Variants in CWC27 observed in about 807,000 individuals in gnomAD.
The protein encoded by CWC27 is CWC27 spliceosome associated cyclophilin, also known as spliceosome-associated protein CWC27 homolog.
Under a neutral mutation model 63.6 loss-of-function variants are expected in CWC27, and 47 were observed. The observed-to-expected ratio is 0.74, with a 90% CI of 0.58 to 0.94. The LOEUF is 0.94. Among genes scored for constraint, CWC27 ranks in the 40% least tolerant of loss-of-function variants. The probability of loss-of-function intolerance (pLI) is 0.00; values close to 1 mark genes in which losing one functional copy is unlikely to be tolerated. For missense variants in CWC27, 495 were observed against 554.3 expected (o/e 0.89, Z 1.07); for synonymous variants, 175 against 179.8 (o/e 0.97, Z 0.22).
At chr5:64,784,892 G>A (rs920174506) in intron 4 of CWC27, among the ~76,000 whole-genome samples, 1 of 152,156 alleles carries the variant, frequency 6.6e-6, no homozygotes, top group Non-Finnish European at 1.5e-5. Context: ...TTAAAAATAA[G>A]AGTGTGTAAT....
chr5:64,776,039 C>T (rs1393102405), intron 2 of CWC27, among the ~76,000 whole-genome samples: 1 of 146,320 alleles, frequency 6.8e-6, no homozygotes, highest in Non-Finnish European at 1.5e-5. Context: ...CACCCCCTCT[C>T]CAAAAGAGAG....
chr5:64,875,850 T>C (rs1356346424), intron 10 of CWC27, among the ~76,000 whole-genome samples: 1 of 152,068 alleles, frequency 6.6e-6, no homozygotes, highest in Non-Finnish European at 1.5e-5. Context: ...GTGGTAGTGG[T>C]GGAGGTGAAA....
Position 64,914,757 on chromosome 5 carries a change from G to A in CWC27, c.1042+29211G>A, listed in dbSNP as rs183941280. ...CAGTCCATGATTCACTGATTCTACC[G>A]TTACATACCTAGTTATCAGACATAT... On this transcript the variant is annotated intron_variant, in intron 11 of 13. Coordinates refer to ENST00000381070, the MANE Select transcript of CWC27 (RefSeq NM_005869.4). Among the ~76,000 whole-genome samples, 754 of 152,142 alleles carry A rather than the reference G, an allele frequency of 5.0e-3. 3 individuals are homozygous for A. The highest frequency in any genetic ancestry group is 8.2e-3 in the Non-Finnish European group (560 of 67,966).
chr5:64,984,381 A>G (rs1329768845), intron 13 of CWC27, among the ~76,000 whole-genome samples: 1 of 152,224 alleles, frequency 6.6e-6, no homozygotes, highest in Non-Finnish European at 1.5e-5. Flanking sequence ...TGTTATGTGC[A>G]TCAAGATCTG....
chr5:64,950,869 G>T (rs1178205964), intron 11 of CWC27, among the ~76,000 whole-genome samples: 1 of 151,908 alleles, frequency 6.6e-6, no homozygotes. Flanking sequence ...AGAATTTCAT[G>T]TGAATGGTGT....
intron 4 of CWC27, 113 bp from the exon 5 acceptor site, chr5:64,785,368 G>A (rs1229475670): frequency 2.1e-6 from 1 of 480,080 alleles, no homozygotes; most frequent in Non-Finnish European, 3.6e-6. Flanking sequence ...ATATTTTTAT[G>A]TAATCACATG....
At chr5:64,839,390 T>A (rs761739550) in intron 10 of CWC27, among the ~76,000 whole-genome samples, 1 of 152,186 alleles carries the variant, frequency 6.6e-6, no homozygotes, top group African/African-American at 2.4e-5. Flanking sequence ...TGTGAGTAGT[T>A]ATATATGATA....
At chr5:64,952,176 G>T (rs540463007) in intron 11 of CWC27, among the ~76,000 whole-genome samples, 3 of 152,000 alleles carry the variant, frequency 2.0e-5, no homozygotes, top group South Asian at 2.1e-4. Context: ...TAATGTAAAT[G>T]ATATGTAAAT....
At chr5:64,993,557 T>C (rs548758986) in intron 13 of CWC27, among the ~76,000 whole-genome samples, 117 of 152,144 alleles carry the variant, frequency 7.7e-4, no homozygotes, top group Non-Finnish European at 1.5e-3. Flanking sequence ...TTAGCTACTA[T>C]AAATTTAGCA....
At chr5:64,776,008 A>G (rs1430517134) in intron 2 of CWC27, among the ~76,000 whole-genome samples, 1 of 151,612 alleles carries the variant, frequency 6.6e-6, no homozygotes, top group Non-Finnish European at 1.5e-5. Context: ...AAGATTTAAG[A>G]AATGAAAAAT....
intron 3 of CWC27, among the ~76,000 whole-genome samples, chr5:64,783,469 C>G (rs1299616270): frequency 6.6e-6 from 1 of 152,188 alleles, no homozygotes; most frequent in Non-Finnish European, 1.5e-5. Flanking sequence ...TAATTGAATA[C>G]TCTGCAATGG....
intron 13 of CWC27, among the ~76,000 whole-genome samples, chr5:64,996,535 GTGT>G (rs1242531365): frequency 6.6e-6 from 1 of 152,140 alleles, no homozygotes; most frequent in Non-Finnish European, 1.5e-5. Context: ...AAGCTAGAAA[GTGT>G]TGTTGTGCCC....
chr5:64,992,905 A>T (rs1387511392), intron 13 of CWC27, among the ~76,000 whole-genome samples: 1 of 152,098 alleles, frequency 6.6e-6, no homozygotes, highest in Non-Finnish European at 1.5e-5. Flanking sequence ...ACTCGAAAAT[A>T]ATCATTCTTT....
intron 12 of CWC27, among the ~76,000 whole-genome samples, chr5:64,973,495 G>A (rs1041937324): frequency 2.6e-5 from 4 of 152,224 alleles, no homozygotes; most frequent in African/African-American, 9.6e-5. Flanking sequence ...CCTGGAAGTA[G>A]TTGGCCATTC....
Position 64,865,396 on chromosome 5 carries a change from A to C in CWC27, c.939-20047A>C, listed in dbSNP as rs144032801. ...TGAAGTTCCATAGTAGAAGTTAGTT[A>C]GTATTCACCTATAAGTGTTCTGTGG... On this transcript the variant is annotated intron_variant, in intron 10 of 13. Transcript: ENST00000381070. 1.6e-3 allele frequency among the ~76,000 whole-genome samples: 250 copies of C among 152,214 alleles called. 1 individual carries two copies. The highest frequency in any genetic ancestry group is 3.0e-3 in the Non-Finnish European group (203 of 67,980).
chr5:64,888,828 T>C (rs917720810), intron 11 of CWC27, among the ~76,000 whole-genome samples: 1 of 152,020 alleles, frequency 6.6e-6, no homozygotes, highest in Non-Finnish European at 1.5e-5. Flanking sequence ...TTGTATAGTG[T>C]CAAAGTATTT....
At chr5:64,877,158 G>A (rs181713548) in intron 10 of CWC27, among the ~76,000 whole-genome samples, 1 of 152,086 alleles carries the variant, frequency 6.6e-6, no homozygotes, top group Admixed American at 6.5e-5. Context: ...ATGTGGAGTC[G>A]ACCTTAGAGT....
At chr5:64,909,020 AC>A (rs1386130502) in intron 11 of CWC27, among the ~76,000 whole-genome samples, 1 of 152,122 alleles carries the variant, frequency 6.6e-6, no homozygotes, top group African/African-American at 2.4e-5. Context: ...AGTGGCTGGT[AC>A]CGGTTGTTCC....
At chr5:64,883,417 A>G (rs1321255195) in intron 10 of CWC27, among the ~76,000 whole-genome samples, 1 of 152,228 alleles carries the variant, frequency 6.6e-6, no homozygotes, top group Non-Finnish European at 1.5e-5. Flanking sequence ...TAGGAGTGAT[A>G]GTTGATGTTA....
Sources: gnomAD v4.1 joint callset for allele counts (sites outside exome capture counted in the v4.1 genomes callset) on GRCh38, gnomAD v4.1.1 for gene constraint, MANE v1.5 for transcripts, NCBI Gene and HGNC (gene_info 2026-07-23, HGNC 2026-07-21) for gene names.